Variants in ESRRB observed in about 807,000 individuals in gnomAD.
The protein encoded by ESRRB is estrogen related receptor beta.
A neutral mutation model predicts 46.0 loss-of-function variants in ESRRB; 16 were observed. The observed-to-expected ratio is 0.35, with a 90% confidence interval of 0.24 to 0.53. The LOEUF is 0.53. Ranked by LOEUF, ESRRB falls within the 20% of genes least tolerant of loss-of-function variation. The probability of loss-of-function intolerance (pLI) is 0.93; values close to 1 mark genes in which losing one functional copy is unlikely to be tolerated. For synonymous variants in ESRRB, 246 were observed against 259.6 expected (o/e 0.95, Z 0.50); for missense variants, 488 against 607.4 (o/e 0.80, Z 2.07).
At chr14:76,418,343 ACCCTTATCTGGTTTTCACTTTTGTTAG>A (rs1886799293) in intron 1 of ESRRB, among the ~76,000 whole-genome samples, 1 of 152,172 alleles carries the variant, frequency 6.6e-6, no homozygotes, top group African/African-American at 2.4e-5. Context: ...CTCCTGTATA[ACCCTTATCTGGTTTTCACTTTTGTTAG>A]CTTCCTATGT....
intron 1 of ESRRB, chr14:76,404,287 C>T (rs954134158): frequency 6.6e-6 from 1 of 151,548 alleles, no homozygotes; most frequent in Non-Finnish European, 1.5e-5. Context: ...TGTGTAGATA[C>T]ATACCACACA....
chr14:76,442,345 AGGTG>A (rs1887954735), intron 2 of ESRRB, among the ~76,000 whole-genome samples: 2 of 152,118 alleles, frequency 1.3e-5, no homozygotes, highest in Non-Finnish European at 2.9e-5. Flanking sequence ...GCATGGTGGC[AGGTG>A]CCTGTAATCC....
Position 76,498,949 on chromosome 14 carries a change from C to T in ESRRB, c.*491C>T, listed in dbSNP as rs766639752. Reference sequence around the variant, plus strand: ...ACAACAGTATCTTTCTTCCAGAGGTCCTACCTGCTCTGAGATCCTCTGGGG... The same window carrying T: ...ACAACAGTATCTTTCTTCCAGAGGTTCTACCTGCTCTGAGATCCTCTGGGG... On this transcript the variant is annotated 3_prime_UTR_variant, in exon 7 of 7. Coordinates refer to ENST00000644823, the MANE Select transcript of ESRRB (RefSeq NM_001379180.1). 4.3e-6 allele frequency: 2 copies of T among 467,854 alleles called. No homozygotes were observed. Among genetic ancestry groups the T allele is most frequent in the East Asian group, 5.7e-5 (1 of 17,498 alleles). 29.0% of individuals were successfully genotyped at this position (467,854 alleles called of 1,614,324 possible).
Position 76,439,537 on chromosome 14 carries a change from T to A in ESRRB, c.247T>A (p.Phe83Ile). 1 of 1,613,756 alleles carries A rather than the reference T, an allele frequency of 6.2e-7. No individual in the cohort carries two copies. Among genetic ancestry groups the A allele is most frequent in the Non-Finnish European group, 8.5e-7 (1 of 1,179,960 alleles). Residue 83 changes from phenylalanine (F) to isoleucine (I), a missense_variant, in exon 2 of 7, where the codon TTT becomes ATT. Transcript: ENST00000644823. ...CAACGGTCTGGACTCGCCACCCATG[T>A]TTGCAGGCGCCGGGCTGGGAGGCAC... ...HANGLDSPPM[F>I]AGAGLGGTPC...
chr14:76,360,385 G>C (rs1195947307), intron 1 of ESRRB, among the ~76,000 whole-genome samples: 1 of 152,070 alleles, frequency 6.6e-6, no homozygotes, highest in Non-Finnish European at 1.5e-5. Context: ...GTAGACAGGT[G>C]AACTGGAAGG....
At chr14:76,336,602 T>C (rs1884129027) in intron 1 of ESRRB, among the ~76,000 whole-genome samples, 1 of 152,094 alleles carries the variant, frequency 6.6e-6, no homozygotes, top group Non-Finnish European at 1.5e-5. Flanking sequence ...TCTTTCCTGC[T>C]GGGGTGACAG....
intron 3 of ESRRB, 65 bp from the exon 4 acceptor site, chr14:76,481,951 G>C (rs1889820801): frequency 6.7e-7 from 1 of 1,484,298 alleles, no homozygotes; most frequent in Non-Finnish European, 9.4e-7. Flanking sequence ...AAATTCCAAA[G>C]TCAGTGCTTC....
chr14:76,462,750 C>T, intron 3 of ESRRB, 89 bp downstream of exon 3: 1 of 1,009,432 alleles, frequency 9.9e-7, no homozygotes, highest in Non-Finnish European at 1.6e-6. Flanking sequence ...AAGCTGTGGA[C>T]CTGTGTCCCA....
At chr14:76,312,501 C>A (rs529747510) in intron 1 of ESRRB, among the ~76,000 whole-genome samples, 1 of 150,724 alleles carries the variant, frequency 6.6e-6, no homozygotes, top group African/African-American at 2.4e-5. Flanking sequence ...CCAGTAAGAC[C>A]GCATTCAGTA....
chr14:76,458,815 T>C (rs1888727341), intron 2 of ESRRB, among the ~76,000 whole-genome samples: 1 of 150,498 alleles, frequency 6.6e-6, no homozygotes, highest in Admixed American at 6.6e-5. Context: ...TACTGTCCCA[T>C]ACCCTGGATT....
intron 2 of ESRRB, among the ~76,000 whole-genome samples, chr14:76,445,466 CAAAAAAAA>C (rs747627410): frequency 1.3e-5 from 1 of 79,774 alleles, no homozygotes; most frequent in Non-Finnish European, 2.8e-5. Context: ...AACTCCGTCT[CAAAAAAAA>C]AAAAAAAAAA....
intron 1 of ESRRB, among the ~76,000 whole-genome samples, chr14:76,330,283 C>A (rs2139736002): frequency 6.6e-6 from 1 of 152,302 alleles, no homozygotes; most frequent in East Asian, 1.9e-4. Flanking sequence ...AGCCAGGCTG[C>A]TGTCTTCCCA....
chr14:76,420,939 G>A (rs2139887858), intron 1 of ESRRB, among the ~76,000 whole-genome samples: 1 of 152,292 alleles, frequency 6.6e-6, no homozygotes. Flanking sequence ...GTCCCCTGCA[G>A]TGAGGTGTGC....
intron 1 of ESRRB, among the ~76,000 whole-genome samples, chr14:76,435,180 A>G (rs1375086442): frequency 6.6e-6 from 1 of 152,194 alleles, no homozygotes; most frequent in Non-Finnish European, 1.5e-5. Flanking sequence ...AGCTCCTGAG[A>G]GTGAGGAAAA....
chr14:76,493,642 C>A (rs1325832389), intron 6 of ESRRB, among the ~76,000 whole-genome samples: 3 of 152,200 alleles, frequency 2.0e-5, no homozygotes, highest in African/African-American at 7.2e-5. Context: ...CACAGGGTAA[C>A]CAACTGGTTT....
chr14:76,364,048 G>A (rs1884494407), intron 1 of ESRRB, among the ~76,000 whole-genome samples: 2 of 152,160 alleles, frequency 1.3e-5, no homozygotes, highest in Admixed American at 1.3e-4. Context: ...CACAGAGTAG[G>A]TGTGCAGCAA....
chr14:76,402,107 T>G (rs941236443), intron 1 of ESRRB, among the ~76,000 whole-genome samples: 2 of 152,242 alleles, frequency 1.3e-5, no homozygotes, highest in African/African-American at 4.8e-5. Context: ...TCAGTCTTTT[T>G]GTTTTATTCA....
At chr14:76,448,116 T>C (rs1175833057) in intron 2 of ESRRB, among the ~76,000 whole-genome samples, 1 of 152,146 alleles carries the variant, frequency 6.6e-6, no homozygotes, top group Non-Finnish European at 1.5e-5. Context: ...ACTCCCAACC[T>C]CTACTCCCAG....
chr14:76,437,105 C>T (rs1158002527), intron 1 of ESRRB, among the ~76,000 whole-genome samples: 1 of 152,140 alleles, frequency 6.6e-6, no homozygotes. Context: ...GATCTCGGCT[C>T]ACTGCAACTT....
Sources: gnomAD v4.1 joint callset for allele counts (sites outside exome capture counted in the v4.1 genomes callset) on GRCh38, gnomAD v4.1.1 for gene constraint, MANE v1.5 for transcripts, NCBI Gene and HGNC (gene_info 2026-07-23, HGNC 2026-07-21) for gene names.